The following TBCD variants were observed in gnomAD, a reference collection of about 807,000 sequenced individuals.
TBCD encodes tubulin-specific chaperone D.
TBCD carries 105 observed loss-of-function variants against 169.3 expected under a neutral mutation model. The ratio of observed to expected loss-of-function variants is 0.62; its 90% CI spans 0.53 to 0.73. The LOEUF (loss-of-function observed/expected upper bound fraction) is 0.73, where lower values mean the gene tolerates loss of function less well. TBCD is among the 30% of genes least tolerant of loss of function. The pLI, the probability that TBCD is intolerant of heterozygous loss-of-function variation, is 0.00. For synonymous variants in TBCD, 700 were observed against 643.9 expected (o/e 1.09, Z -1.32); for missense variants, 1,444 against 1,600.1 (o/e 0.90, Z 1.66).
In TBCD at chr17:82,884,278, A is replaced by G; in HGVS notation, c.1533+76A>G. 1 of 1,387,482 alleles carries G rather than the reference A, an allele frequency of 7.2e-7. No individual in the cohort carries two copies. Among genetic ancestry groups the G allele is most frequent in the Non-Finnish European group, 1.0e-6 (1 of 999,528 alleles). The allele number at this position is 1,387,482 out of a possible 1,614,324, so 85.9% of individuals were successfully genotyped here. On this transcript the variant is annotated intron_variant, in intron 15 of 38. Transcript: ENST00000355528. The surrounding 1 kb of genome is among the most constrained non-coding windows in gnomAD (Gnocchi z 4.2). ...TGGTCTCCCTGATGCTCCTCTGTGC[A>G]CTGCTGCCTGGCCAGCTCACCCATC... is the stretch of plus-strand genomic sequence containing the variant.
At chr17:82,797,850 C>T (rs750943872) in intron 8 of TBCD, 48 bp downstream of exon 8, 7 of 1,377,550 alleles carry the variant, frequency 5.1e-6, no homozygotes, top group Non-Finnish European at 6.9e-6. Flanking sequence ...TGAGTTTGCT[C>T]ATATACAATC....
chr17:82,880,429 T>G lies in TBCD; in HGVS notation c.1476-3716T>G, dbSNP rs1462977898. Among the ~76,000 whole-genome samples, 2 of 152,224 alleles carry G rather than the reference T, an allele frequency of 1.3e-5. No homozygotes were observed. The highest frequency in any genetic ancestry group is 4.8e-5 in the African/African-American group (2 of 41,470). ...CCCTTTGTCAGGTAAAGGAACATGTTTGAAGTGGGACACCCTTATCTTTGG... is the reference window on the plus strand; with the variant it reads ...CCCTTTGTCAGGTAAAGGAACATGTGTGAAGTGGGACACCCTTATCTTTGG... On this transcript the variant is annotated intron_variant, in intron 14 of 38. Transcript: ENST00000355528. The surrounding 1 kb of genome is among the most constrained non-coding windows in gnomAD (Gnocchi z 5.0).
intron 2 of TBCD, among the ~76,000 whole-genome samples, chr17:82,759,048 T>C (rs1189779964): frequency 6.6e-6 from 1 of 152,168 alleles, no homozygotes; most frequent in African/African-American, 2.4e-5. Context: ...GGGATCTCGC[T>C]CTGTCACCCA....
chr17:82,942,870 G>A lies in TBCD; in HGVS notation c.*407G>A, dbSNP rs2063430575. 3.6e-6 allele frequency: 1 copy of A among 279,378 alleles called. No homozygotes were observed. Among genetic ancestry groups the A allele is most frequent in the African/African-American group, 2.2e-5 (1 of 44,970 alleles). 17.3% of individuals were successfully genotyped at this position (279,378 alleles called of 1,614,324 possible). A position where few individuals can be genotyped will look rare whatever the true frequency, so the allele number is the denominator to read the frequency against. Reference sequence around the variant, plus strand: ...TGTGGGAGACGTCTGGCCACAGGCAGTGCCCCACCCAGTCTTGGAGAGAGA... The same window carrying A: ...TGTGGGAGACGTCTGGCCACAGGCAATGCCCCACCCAGTCTTGGAGAGAGA... On this transcript the variant is annotated 3_prime_UTR_variant, in exon 39 of 39. Transcript: ENST00000355528.
chr17:82,844,514 G>A (rs1301914090), intron 13 of TBCD, among the ~76,000 whole-genome samples: 1 of 152,022 alleles, frequency 6.6e-6, no homozygotes, highest in Non-Finnish European at 1.5e-5. Flanking sequence ...GAGCTTTTTA[G>A]GGACCTGTCC....
Position 82,941,470 on chromosome 17 carries a change from A to C in TBCD, c.3551A>C (p.Gln1184Pro), listed in dbSNP as rs1229868698. Residue 1184 changes from glutamine to proline, a missense_variant, in exon 38 of 39, where the codon CAG becomes CCG. Transcript: ENST00000355528. ...GACCTTCTGGGCGTACCCAGGCCCC[A>C]GCTGGTGCCCCAGGTAACCCTGTCA... ...LCDLLGVPRP[Q>P]LVPQPGAC 1 of 1,598,522 alleles carries C rather than the reference A, an allele frequency of 6.3e-7. No individual in the cohort carries two copies. The highest frequency in any genetic ancestry group is 1.1e-5 in the South Asian group (1 of 88,264).
chr17:82,817,903 G>A (rs932638578), intron 13 of TBCD, among the ~76,000 whole-genome samples: 1 of 152,156 alleles, frequency 6.6e-6, no homozygotes, highest in Non-Finnish European at 1.5e-5. Flanking sequence ...TGTTCCATCC[G>A]AAGTAAGTGA....
intron 13 of TBCD, chr17:82,830,705 G>C (rs2053419267): frequency 1.9e-6 from 3 of 1,614,000 alleles, no homozygotes; most frequent in East Asian, 2.2e-5. Context: ...GTTTCCGCCT[G>C]GGGGCTGCCT....
intron 30 of TBCD, 40 bp from the exon 31 acceptor site, chr17:82,929,073 A>T (rs1568072208): frequency 6.3e-7 from 1 of 1,587,832 alleles, no homozygotes; most frequent in Admixed American, 1.7e-5. Flanking sequence ...CTCTTAATTT[A>T]CCGCCCGCCC....
chr17:82,853,467 C>T (rs2055984670), intron 13 of TBCD, among the ~76,000 whole-genome samples: 1 of 151,832 alleles, frequency 6.6e-6, no homozygotes, highest in African/African-American at 2.4e-5. Flanking sequence ...CAGTGGCTCA[C>T]TCACGGCTCA....
At chr17:82,801,550 G>A (rs540733506) in intron 9 of TBCD, among the ~76,000 whole-genome samples, 28 of 144,334 alleles carry the variant, frequency 1.9e-4, no homozygotes, top group African/African-American at 5.7e-4. Context: ...CAGGGTCAGC[G>A]TGGCAGGAGG....
intron 8 of TBCD, 96 bp from the exon 9 acceptor site, chr17:82,800,768 C>T: frequency 1.4e-6 from 2 of 1,466,204 alleles, no homozygotes; most frequent in Non-Finnish European, 1.8e-6. Flanking sequence ...TGCCTCAAGG[C>T]CCCTGTGGAG....
intron 1 of TBCD, among the ~76,000 whole-genome samples, chr17:82,755,317 G>GT (rs2047345451): frequency 6.6e-6 from 1 of 152,158 alleles, no homozygotes; most frequent in Non-Finnish European, 1.5e-5. Context: ...GACTAAAAAG[G>GT]TACCAGACTT....
At chr17:82,762,184 T>G (rs1403474443) in intron 2 of TBCD, among the ~76,000 whole-genome samples, 7 of 150,512 alleles carry the variant, frequency 4.7e-5, no homozygotes, top group Non-Finnish European at 8.9e-5. Context: ...AGTGTGGCGG[T>G]GTGCGCATGT....
At chr17:82,883,057 T>G (rs571130410) in intron 14 of TBCD, among the ~76,000 whole-genome samples, 248 of 2,624 alleles carry the variant, frequency 0.095, 2 homozygotes, top group African/African-American at 0.11. Context: ...TCTTTCACAT[T>G]TAGCTTAACA....
chr17:82,828,845 A>G (rs2053201224), intron 13 of TBCD, among the ~76,000 whole-genome samples: 1 of 144,828 alleles, frequency 6.9e-6, no homozygotes, highest in African/African-American at 2.6e-5. Flanking sequence ...TCAGATGTGT[A>G]CACCCCTCCC....
Position 82,923,222 on chromosome 17 carries a change from A to C in TBCD, c.2179-430A>C, listed in dbSNP as rs1212376336. On this transcript the variant is annotated intron_variant, in intron 25 of 38. Transcript: ENST00000355528. The surrounding 1 kb of genome is among the most constrained non-coding windows in gnomAD (Gnocchi z 4.6). ...CCATTTTATTATTGTTCCATATTAGAAGACAGACATTGTGGAAGGAATAAT... is the reference window on the plus strand; with the variant it reads ...CCATTTTATTATTGTTCCATATTAGCAGACAGACATTGTGGAAGGAATAAT... Among the ~76,000 whole-genome samples, 1 of 152,224 alleles carries C rather than the reference A, an allele frequency of 6.6e-6. No individual in the cohort carries two copies. Among genetic ancestry groups the C allele is most frequent in the African/African-American group, 2.4e-5 (1 of 41,454 alleles).
rs1440528456 is a variant in TBCD at position 82,893,539 on chromosome 17, C to T, written c.1564-8C>T. 3 of 1,598,532 alleles carry T rather than the reference C, an allele frequency of 1.9e-6. No individual in the cohort carries two copies. Among genetic ancestry groups the T allele is most frequent in the Non-Finnish European group, 2.6e-6 (3 of 1,172,862 alleles). ...CTTCTTTTTCCCCCATTTCCACTTT[C>T]TTATTAGGGCACTTTCCCTCATGGT... On this transcript the variant is annotated splice_polypyrimidine_tract_variant and splice_region_variant and intron_variant, in intron 16 of 38. Transcript: ENST00000355528.
At chr17:82,781,845 C>A in intron 7 of TBCD, 124 bp downstream of exon 7, 2 of 1,452,684 alleles carry the variant, frequency 1.4e-6, no homozygotes, top group East Asian at 2.3e-5. Context: ...TTGATTTAAC[C>A]GGGCCAGGGT....
Sources: allele counts gnomAD v4.1 joint callset (sites outside exome capture counted in the v4.1 genomes callset), GRCh38; gene constraint gnomAD v4.1.1; non-coding constraint Gnocchi (gnomAD v3.1); transcripts MANE v1.5; gene names NCBI Gene and HGNC (gene_info 2026-07-23, HGNC 2026-07-21).